ELOVL6: variants seen among roughly 807,000 people sequenced by gnomAD.
The protein encoded by ELOVL6 is very long chain fatty acid elongase 6.
ELOVL6 carries 8 observed loss-of-function variants against 31.7 expected under a neutral mutation model. The observed-to-expected ratio is 0.25, with a 90% CI of 0.15 to 0.45. The LOEUF (loss-of-function observed/expected upper bound fraction) is 0.45. ELOVL6 is among the 20% of genes least tolerant of loss of function. The pLI, the probability that ELOVL6 is intolerant of heterozygous loss-of-function variation, is 1.00. For missense variants in ELOVL6, 126 were observed against 326.4 expected, an observed-to-expected ratio of 0.39 and a Z score of 4.73; for synonymous variants, 101 against 117.7, an observed-to-expected ratio of 0.86 and a Z score of 0.92.
intron 2 of ELOVL6, among the ~76,000 whole-genome samples, chr4:110,070,687 T>TAGTG: frequency 6.6e-6 from 1 of 152,270 alleles, no homozygotes; most frequent in East Asian, 1.9e-4. Flanking sequence ...GTTCTTGTGA[T>TAGTG]AGTGAGTGAG....
At chr4:110,194,741 T>C (rs1759723017) in intron 1 of ELOVL6, among the ~76,000 whole-genome samples, 1 of 152,200 alleles carries the variant, frequency 6.6e-6, no homozygotes, top group South Asian at 2.1e-4. Flanking sequence ...TTATAGCGTA[T>C]GTTTAATAAA....
intron 2 of ELOVL6, 65 bp from the exon 3 acceptor site, chr4:110,059,819 T>G: frequency 6.9e-7 from 1 of 1,457,886 alleles, no homozygotes; most frequent in Non-Finnish European, 9.4e-7. Context: ...ACATCAACCA[T>G]ACTTAGAAGA....
intron 1 of ELOVL6, among the ~76,000 whole-genome samples, chr4:110,196,057 G>A (rs1373332025): frequency 6.6e-6 from 1 of 152,218 alleles, no homozygotes; most frequent in East Asian, 1.9e-4. Flanking sequence ...TCAGTACTGA[G>A]TGAATGGAGA....
intron 1 of ELOVL6, among the ~76,000 whole-genome samples, chr4:110,189,373 G>A (rs1454742942): frequency 6.7e-6 from 1 of 149,060 alleles, no homozygotes; most frequent in African/African-American, 2.5e-5. Flanking sequence ...GATCACTTGA[G>A]GCCAGGAGTT....
At chr4:110,095,381 C>G (rs1314169675) in intron 2 of ELOVL6, among the ~76,000 whole-genome samples, 2 of 151,354 alleles carry the variant, frequency 1.3e-5, no homozygotes, top group African/African-American at 4.9e-5. Context: ...ATTTGGGAGG[C>G]TGAGGCATGA....
At chr4:110,057,537 C>T (rs1238388938) in intron 3 of ELOVL6, among the ~76,000 whole-genome samples, 3 of 151,984 alleles carry the variant, frequency 2.0e-5, no homozygotes, top group Non-Finnish European at 4.4e-5. Flanking sequence ...ACTTTAATAA[C>T]GTGTAATTTT....
intron 1 of ELOVL6, among the ~76,000 whole-genome samples, chr4:110,186,549 T>G (rs892008035): frequency 6.6e-6 from 1 of 151,862 alleles, no homozygotes; most frequent in African/African-American, 2.4e-5. Flanking sequence ...TCAGGTGCAA[T>G]GGCTCTAATC....
chr4:110,093,142 G>C, intron 2 of ELOVL6: 1 of 449,220 alleles, frequency 2.2e-6, no homozygotes, highest in Non-Finnish European at 4.4e-6. Context: ...CACCTGTAAT[G>C]CAAAGATATT....
chr4:110,111,866 T>G (rs1186529312), intron 1 of ELOVL6, among the ~76,000 whole-genome samples: 1 of 152,206 alleles, frequency 6.6e-6, no homozygotes, highest in African/African-American at 2.4e-5. Context: ...TGTGTGACAT[T>G]CTGAAAACTG....
Position 110,086,153 on chromosome 4 carries a change from T to G in ELOVL6, c.221+19344A>C, listed in dbSNP as rs78189388. Among the ~76,000 whole-genome samples the G allele has an allele frequency of 2.0e-5, 3 of 152,306 alleles. No individual in the cohort carries two copies. In the East Asian group the frequency reaches 5.8e-4, roughly 29 times the overall value. On this transcript the variant is annotated intron_variant, in intron 2 of 3. Transcript: ENST00000302274. Reference sequence around the variant, plus strand: ...TATCTAATCGAAGCCACTAATGAAGTCTTTCTGGATTTAGTCCTCTTTAAC... The same window carrying G: ...TATCTAATCGAAGCCACTAATGAAGGCTTTCTGGATTTAGTCCTCTTTAAC...
At chr4:110,133,018 G>C (rs928448806) in intron 1 of ELOVL6, among the ~76,000 whole-genome samples, 5 of 151,992 alleles carry the variant, frequency 3.3e-5, no homozygotes, top group Non-Finnish European at 7.4e-5. Context: ...TCATGGACAC[G>C]AATGAGATCA....
At chr4:110,177,833 C>T (rs141370866) in intron 1 of ELOVL6, among the ~76,000 whole-genome samples, 25 of 152,276 alleles carry the variant, frequency 1.6e-4, no homozygotes, top group African/African-American at 5.8e-4. Context: ...TGAAAACATC[C>T]TAAAAGTTCC....
chr4:110,113,088 CGTG>C (rs1246617673), intron 1 of ELOVL6, among the ~76,000 whole-genome samples: 1 of 150,402 alleles, frequency 6.6e-6, no homozygotes, highest in Non-Finnish European at 1.5e-5. Flanking sequence ...ATTAGCCAGG[CGTG>C]GTGGCAGGCG....
chr4:110,094,445 T>TAAA (rs1234897368), intron 2 of ELOVL6, among the ~76,000 whole-genome samples: 544 of 47,368 alleles, frequency 0.011, 14 homozygotes, highest in South Asian at 0.013. Flanking sequence ...ATATATATAA[T>TAAA]ATATATAACA....
chr4:110,174,225 G>A (rs996898686), intron 1 of ELOVL6, among the ~76,000 whole-genome samples: 2 of 149,226 alleles, frequency 1.3e-5, no homozygotes, highest in African/African-American at 5.0e-5. Context: ...CTGCAGTGGC[G>A]TAATCTCGGC....
chr4:110,119,226 T>C (rs966373047), intron 1 of ELOVL6, among the ~76,000 whole-genome samples: 1 of 151,904 alleles, frequency 6.6e-6, no homozygotes, highest in African/African-American at 2.4e-5. Flanking sequence ...GAACCCAGTA[T>C]GTAGAGGTTG....
In ELOVL6 at chr4:110,149,795, A is replaced by G. The variant is rs73841819; in HGVS notation, c.90-44167T>C. 1.5e-3 allele frequency among the ~76,000 whole-genome samples: 233 copies of G among 152,344 alleles called. 1 individual carries two copies. The highest frequency in any genetic ancestry group is 5.3e-3 in the African/African-American group (221 of 41,582). ...TCCTAATACTGGTATTTATCTGCCT[A>G]CATAGAAAAATCTCCACTTAGAAAA... On this transcript the variant is annotated intron_variant, in intron 1 of 3. Transcript: ENST00000302274.
intron 1 of ELOVL6, among the ~76,000 whole-genome samples, chr4:110,140,247 C>T (rs961285236): frequency 2.0e-5 from 3 of 152,134 alleles, no homozygotes; most frequent in Non-Finnish European, 1.5e-5. Flanking sequence ...TAGGGGAAGC[C>T]TGTGGACATG....
At chr4:110,082,569 G>A (rs1187205904) in intron 2 of ELOVL6, among the ~76,000 whole-genome samples, 1 of 151,792 alleles carries the variant, frequency 6.6e-6, no homozygotes, top group African/African-American at 2.4e-5. Context: ...ACAGGAAGGG[G>A]AACATCACAC....
Sources: gnomAD v4.1 joint callset for allele counts (sites outside exome capture counted in the v4.1 genomes callset) on GRCh38, gnomAD v4.1.1 for gene constraint, MANE v1.5 for transcripts, NCBI Gene and HGNC (gene_info 2026-07-23, HGNC 2026-07-21) for gene names.